The following RBMS3 variants were observed in gnomAD, a reference collection of about 807,000 sequenced individuals.
The protein encoded by RBMS3 is RNA-binding motif, single-stranded-interacting protein 3.
A neutral mutation model predicts 66.8 loss-of-function variants in RBMS3; 27 were observed. The observed-to-expected ratio is 0.40, with a 90% CI of 0.30 to 0.56. The LOEUF (loss-of-function observed/expected upper bound fraction) is 0.56, where lower values mean the gene tolerates loss of function less well. Among genes scored for constraint, RBMS3 ranks in the 20% least tolerant of loss-of-function variants. The pLI is 0.40. For synonymous variants in RBMS3, 188 were observed against 183.0 expected, an observed-to-expected ratio of 1.03 and a Z score of -0.22; for missense variants, 513 against 549.5, an observed-to-expected ratio of 0.93 and a Z score of 0.66.
chr3:29,996,842 A>G (rs1191182782), intron 14 of RBMS3, among the ~76,000 whole-genome samples: 5 of 152,140 alleles, frequency 3.3e-5, no homozygotes, highest in Non-Finnish European at 7.4e-5. Context: ...ACACCCTAAT[A>G]TCACAATTAA....
chr3:29,378,885 C>T (rs927714351), intron 1 of RBMS3, among the ~76,000 whole-genome samples: 3 of 152,102 alleles, frequency 2.0e-5, no homozygotes, highest in Admixed American at 1.3e-4. Flanking sequence ...TGGGAATATA[C>T]TTAATTTATT....
Position 29,597,169 on chromosome 3 carries a change from A to G in RBMS3, c.399+9964A>G, listed in dbSNP as rs200783510. Among the ~76,000 whole-genome samples, 15 of 152,198 alleles carry G rather than the reference A, an allele frequency of 9.9e-5. No homozygotes were observed. In the East Asian group the frequency reaches 2.9e-3, roughly 29 times the overall value. Reference sequence around the variant, plus strand: ...CATATATTTACATGTGTATGCACACATATACATTCCCAAAATACATGTTTT... The same window carrying G: ...CATATATTTACATGTGTATGCACACGTATACATTCCCAAAATACATGTTTT... On this transcript the variant is annotated intron_variant, in intron 4 of 14. Coordinates refer to ENST00000383767, the MANE Select transcript of RBMS3 (RefSeq NM_001003793.3).
At chr3:29,976,889 C>G (rs373164473) in intron 12 of RBMS3, among the ~76,000 whole-genome samples, 12 of 150,948 alleles carry the variant, frequency 7.9e-5, no homozygotes, top group African/African-American at 3.0e-4. Context: ...TCCTCTCCTT[C>G]AGCTACTCAC....
intron 3 of RBMS3, among the ~76,000 whole-genome samples, chr3:29,579,323 G>C (rs2047242230): frequency 6.6e-6 from 1 of 152,144 alleles, no homozygotes. Context: ...TGAAACTATT[G>C]AGTGTGAATA....
chr3:29,837,879 C>T (rs906766831), intron 6 of RBMS3, among the ~76,000 whole-genome samples: 3 of 151,060 alleles, frequency 2.0e-5, no homozygotes, highest in Non-Finnish European at 4.4e-5. Context: ...AAAAATGCTA[C>T]AGAGCCCTGG....
At chr3:29,381,701 C>G (rs2038771330) in intron 1 of RBMS3, among the ~76,000 whole-genome samples, 1 of 152,178 alleles carries the variant, frequency 6.6e-6, no homozygotes, top group Admixed American at 6.5e-5. Flanking sequence ...TGCCCCTGCC[C>G]TATTGCTTTA....
chr3:29,729,898 T>C (rs1383702792), intron 4 of RBMS3, among the ~76,000 whole-genome samples: 2 of 152,134 alleles, frequency 1.3e-5, no homozygotes, highest in Non-Finnish European at 2.9e-5. Context: ...TAACCTCAGC[T>C]TTCTCACATG....
At chr3:29,768,631 C>T (rs2056037923) in intron 6 of RBMS3, among the ~76,000 whole-genome samples, 2 of 151,914 alleles carry the variant, frequency 1.3e-5, no homozygotes. Flanking sequence ...AAAGCTTGCT[C>T]AATGAGACAG....
chr3:29,298,181 C>G (rs771239490), intron 1 of RBMS3, among the ~76,000 whole-genome samples: 1 of 151,880 alleles, frequency 6.6e-6, no homozygotes, highest in Non-Finnish European at 1.5e-5. Context: ...TGTCAATTGA[C>G]TGAATGATTG....
At chr3:29,847,130 A>G (rs1251785270) in intron 6 of RBMS3, among the ~76,000 whole-genome samples, 2 of 152,224 alleles carry the variant, frequency 1.3e-5, no homozygotes, top group Non-Finnish European at 1.5e-5. Context: ...CTTGGGAGAC[A>G]TAAATGAATG....
At chr3:29,953,680 G>A (rs185485783) in intron 12 of RBMS3, among the ~76,000 whole-genome samples, 18 of 151,948 alleles carry the variant, frequency 1.2e-4, no homozygotes, top group Admixed American at 9.9e-4. Flanking sequence ...GAATTGATTT[G>A]TAACATTTGA....
chr3:29,343,989 A>G (rs2036429603), intron 1 of RBMS3, among the ~76,000 whole-genome samples: 1 of 152,214 alleles, frequency 6.6e-6, no homozygotes, highest in Non-Finnish European at 1.5e-5. Flanking sequence ...TGAGTACAGT[A>G]CAAGTACTTG....
chr3:29,543,635 A>G (rs1278580612), intron 3 of RBMS3, among the ~76,000 whole-genome samples: 3 of 152,142 alleles, frequency 2.0e-5, no homozygotes, highest in Non-Finnish European at 2.9e-5. Flanking sequence ...GCTTGAACCC[A>G]GGAGGTGGTG....
chr3:29,521,122 C>T (rs937978462), intron 3 of RBMS3, among the ~76,000 whole-genome samples: 9 of 151,900 alleles, frequency 5.9e-5, no homozygotes, highest in African/African-American at 2.2e-4. Flanking sequence ...CTATTTTATC[C>T]CACCCCATCC....
chr3:29,569,997 A>T (rs1008191832), intron 3 of RBMS3, among the ~76,000 whole-genome samples: 10 of 152,146 alleles, frequency 6.6e-5, no homozygotes, highest in African/African-American at 9.6e-5. Context: ...GAAAAATCAG[A>T]TGTTAAAATT....
chr3:29,673,255 G>A (rs1343034936), intron 4 of RBMS3, among the ~76,000 whole-genome samples: 2 of 152,194 alleles, frequency 1.3e-5, no homozygotes, highest in Non-Finnish European at 2.9e-5. Flanking sequence ...GCAGTGTGTA[G>A]AGAGAAATTT....
intron 12 of RBMS3, among the ~76,000 whole-genome samples, chr3:29,986,396 T>C (rs1457392691): frequency 6.6e-6 from 1 of 152,230 alleles, no homozygotes; most frequent in African/African-American, 2.4e-5. Flanking sequence ...TTTAATAGGC[T>C]TCTTCTGTAA....
chr3:29,396,618 ATAGT>A (rs1216815579), intron 1 of RBMS3, among the ~76,000 whole-genome samples: 5 of 152,286 alleles, frequency 3.3e-5, no homozygotes, highest in Admixed American at 2.0e-4. Context: ...ATGTTTTTAG[ATAGT>A]TAGATGGACA....
intron 4 of RBMS3, among the ~76,000 whole-genome samples, chr3:29,624,228 T>C (rs1172361722): frequency 5.3e-5 from 8 of 152,192 alleles, no homozygotes; most frequent in African/African-American, 1.9e-4. Flanking sequence ...TTAAATTATT[T>C]TAAAGTAGGA....
Sources: gnomAD v4.1 joint callset for allele counts (sites outside exome capture counted in the v4.1 genomes callset) on GRCh38, gnomAD v4.1.1 for gene constraint, MANE v1.5 for transcripts, NCBI Gene and HGNC (gene_info 2026-07-23, HGNC 2026-07-21) for gene names.